The following CPED1 variants were observed in gnomAD, a reference collection of about 807,000 sequenced individuals.
CPED1 encodes cadherin-like and PC-esterase domain-containing protein 1.
A neutral mutation model predicts 128.2 loss-of-function variants in CPED1; 114 were observed. The ratio of observed to expected loss-of-function variants is 0.89; its 90% CI spans 0.76 to 1.04. The LOEUF is 1.04. Ranked by LOEUF, CPED1 falls within the 50% of genes least tolerant of loss-of-function variation. CPED1 has a pLI of 0.00. For missense variants in CPED1, 1,211 were observed against 1,207.1 expected, an observed-to-expected ratio of 1.00 and a Z score of -0.05; for synonymous variants, 462 against 426.7, an observed-to-expected ratio of 1.08 and a Z score of -1.02.
intron 16 of CPED1, among the ~76,000 whole-genome samples, chr7:121,224,390 A>G (rs1256722190): frequency 6.6e-6 from 1 of 152,158 alleles, no homozygotes; most frequent in African/African-American, 2.4e-5. Context: ...TATGTGGTCA[A>G]TTTTAGAATA....
chr7:121,031,785 A>G (rs1792741747), intron 3 of CPED1, among the ~76,000 whole-genome samples: 1 of 152,234 alleles, frequency 6.6e-6, no homozygotes, highest in South Asian at 2.1e-4. Context: ...AAAATATATT[A>G]TTGACTAAAT....
At chr7:121,074,993 G>A (rs1794085964) in intron 5 of CPED1, among the ~76,000 whole-genome samples, 1 of 151,984 alleles carries the variant, frequency 6.6e-6, no homozygotes, top group Non-Finnish European at 1.5e-5. Context: ...TAAAATGGTG[G>A]GCAACTGCAG....
intron 16 of CPED1, among the ~76,000 whole-genome samples, chr7:121,208,694 G>A (rs144874598): frequency 3.0e-3 from 450 of 151,984 alleles, no homozygotes; most frequent in Non-Finnish European, 5.3e-3. Context: ...TCTTGTCATC[G>A]TGCCACCCTT....
At chr7:121,171,753 A>G (rs948566219) in intron 16 of CPED1, among the ~76,000 whole-genome samples, 27 of 152,220 alleles carry the variant, frequency 1.8e-4, no homozygotes, top group Non-Finnish European at 2.9e-4. Flanking sequence ...TCCTACCACA[A>G]TAGATAAATG....
intron 8 of CPED1, among the ~76,000 whole-genome samples, chr7:121,125,388 A>C (rs2116316807): frequency 6.6e-6 from 1 of 152,234 alleles, no homozygotes; most frequent in African/African-American, 2.4e-5. Flanking sequence ...GGTTTGCTGC[A>C]CCTATCAATC....
chr7:121,288,124 A>G (rs571359454), intron 22 of CPED1, among the ~76,000 whole-genome samples: 2 of 152,330 alleles, frequency 1.3e-5, no homozygotes, highest in Non-Finnish European at 2.9e-5. Context: ...GAAACAGCAT[A>G]TAATACTACC....
chr7:121,117,060 T>A (rs1584523127), intron 7 of CPED1, among the ~76,000 whole-genome samples: 2 of 128,900 alleles, frequency 1.6e-5, no homozygotes, highest in Non-Finnish European at 3.2e-5. Flanking sequence ...TACACACATT[T>A]TATATATATA....
chr7:121,260,223 G>GTTTTTTTTTTTTTTTTT (rs59370305), intron 18 of CPED1, among the ~76,000 whole-genome samples: 2 of 70,012 alleles, frequency 2.9e-5, no homozygotes, highest in East Asian at 6.3e-4. Context: ...CTTGCTTCGC[G>GTTTTTTTTTTTTTTTTT]TTTTTTTTTT....
At chr7:121,078,359 T>G (rs1794188008) in intron 5 of CPED1, among the ~76,000 whole-genome samples, 1 of 152,020 alleles carries the variant, frequency 6.6e-6, no homozygotes, top group African/African-American at 2.4e-5. Flanking sequence ...GTTTTTTAAT[T>G]TTTAGTGGAG....
intron 7 of CPED1, among the ~76,000 whole-genome samples, chr7:121,112,415 C>A (rs1795135073): frequency 6.6e-6 from 1 of 152,124 alleles, no homozygotes; most frequent in Non-Finnish European, 1.5e-5. Context: ...TACATCTTCA[C>A]ATCTTCACTC....
At chr7:121,071,862 C>T (rs1793999377) in intron 5 of CPED1, among the ~76,000 whole-genome samples, 1 of 152,094 alleles carries the variant, frequency 6.6e-6, no homozygotes, top group Admixed American at 6.6e-5. Flanking sequence ...CAGCTTCAGC[C>T]TCCCACCTCT....
intron 5 of CPED1, among the ~76,000 whole-genome samples, chr7:121,079,934 T>C (rs1361075654): frequency 1.3e-5 from 2 of 152,184 alleles, no homozygotes; most frequent in Non-Finnish European, 2.9e-5. Flanking sequence ...ATTCTGACAA[T>C]TAATTCTGAT....
chr7:121,042,898 T>C (rs573374422), intron 3 of CPED1, among the ~76,000 whole-genome samples: 4 of 152,312 alleles, frequency 2.6e-5, no homozygotes, highest in East Asian at 1.9e-4. Context: ...CTAAATCATA[T>C]AGAGTTGTCC....
chr7:121,009,998 A>G (rs371130201), intron 2 of CPED1, among the ~76,000 whole-genome samples: 2 of 152,228 alleles, frequency 1.3e-5, no homozygotes, highest in African/African-American at 4.8e-5. Flanking sequence ...TTGCTCATTT[A>G]TTCATCCATT....
intron 4 of CPED1, among the ~76,000 whole-genome samples, chr7:121,047,718 T>TTCTTTTTCTTCTTCTTC (rs1563005080): frequency 3.2e-5 from 3 of 92,662 alleles, no homozygotes; most frequent in African/African-American, 2.0e-4. Flanking sequence ...TCTTCTTCTT[T>TTCTTTTTCTTCTTCTTC]TTTTTTTTTT....
chr7:121,085,093 C>A (rs2908573), intron 5 of CPED1, among the ~76,000 whole-genome samples: 1 of 152,152 alleles, frequency 6.6e-6, no homozygotes, highest in African/African-American at 2.4e-5. Context: ...TACTCCACTT[C>A]TGCTGGAGTC....
chr7:121,125,893 G>A lies in CPED1; in HGVS notation c.1134+1G>A, dbSNP rs1029786266. ...TTTCATGTACCCTGTAGTGCTCCAG[G>A]TCAGTATGCCAAAGGCCTCATGTGA... On this transcript the variant is annotated splice_donor_variant, in intron 9 of 22. Transcript: ENST00000310396. LOFTEE classifies it high-confidence loss of function. The A allele has an allele frequency of 6.2e-7, 1 of 1,604,414 alleles. No homozygotes were observed. Among genetic ancestry groups the A allele is most frequent in the African/African-American group, 1.3e-5 (1 of 74,854 alleles).
intron 16 of CPED1, chr7:121,194,932 C>A (rs1342849170): frequency 6.6e-6 from 1 of 151,986 alleles, no homozygotes; most frequent in Non-Finnish European, 1.5e-5. Context: ...CCATGCCAGG[C>A]TAAATTTTCT....
intron 10 of CPED1, 29 bp from the exon 11 acceptor site, chr7:121,128,353 G>A (rs1470232934): frequency 8.0e-7 from 1 of 1,248,024 alleles, no homozygotes; most frequent in African/African-American, 1.5e-5. Context: ...TTTAACAATT[G>A]CTTAAGTTCT....
Sources: allele counts gnomAD v4.1 joint callset (sites outside exome capture counted in the v4.1 genomes callset), GRCh38; gene constraint gnomAD v4.1.1; transcripts MANE v1.5; gene names NCBI Gene and HGNC (gene_info 2026-07-23, HGNC 2026-07-21).